UBTF: variants seen among roughly 807,000 people sequenced by gnomAD.
UBTF encodes the protein upstream binding transcription factor.
In UBTF, 8 loss-of-function variants were observed where a neutral mutation model predicts 112.3. The ratio of observed to expected loss-of-function variants is 0.07; its 90% confidence interval spans 0.04 to 0.13. The LOEUF (loss-of-function observed/expected upper bound fraction) is 0.13. Ranked by LOEUF, UBTF falls within the 10% of genes least tolerant of loss-of-function variation. UBTF has a pLI of 1.00. For synonymous variants in UBTF, 417 were observed against 373.1 expected (o/e 1.12, Z -1.36); for missense variants, 457 against 982.1 (o/e 0.47, Z 7.15).
chr17:44,207,317 ATCCTCATCGTCATCCTCGTCGTCGTCT>A lies in UBTF; in HGVS notation c.2193_2219del (p.Glu731_Glu739del), dbSNP rs2056306730. 1 of 1,612,370 alleles carries A rather than the reference ATCCTCATCGTCATCCTCGTCGTCGTCT, an allele frequency of 6.2e-7. No individual in the cohort carries two copies. Among genetic ancestry groups the A allele is most frequent in the African/African-American group, 1.3e-5 (1 of 74,690 alleles). On this transcript the variant is annotated inframe_deletion, in exon 21 of 21. Coordinates refer to ENST00000436088, the MANE Select transcript of UBTF (RefSeq NM_014233.4). ...TGCTGCCCTCGGACTCATTATCTTCATCCTCATCGTCATCCTCGTCGTCGTCTTCGTCCTCGTCATCCTCTTCATTCT... is the reference window on the plus strand; with the variant it reads ...TGCTGCCCTCGGACTCATTATCTTCATCGTCCTCGTCATCCTCTTCATTCT...
upstream of UBTF, among the ~76,000 whole-genome samples, chr17:44,220,211 C>G (rs371529037): frequency 1.8e-4 from 27 of 151,878 alleles, no homozygotes; most frequent in East Asian, 2.5e-3. Flanking sequence ...CAGGCTTCGC[C>G]GGCGAGGGAG....
At position 44,210,855 on chromosome 17, in the gene UBTF, G is replaced by T; in HGVS notation, c.1296C>A (p.Leu432=). 2.5e-6 allele frequency: 4 copies of T among 1,575,684 alleles called. No individual in the cohort carries two copies. Among genetic ancestry groups the T allele is most frequent in the Non-Finnish European group, 3.4e-6 (4 of 1,160,590 alleles). The change falls in exon 13 of 21, where the codon CTC becomes CTA. Residue 432 remains leucine (L), a synonymous_variant. Transcript: ENST00000436088. ...GCAGGCGGGTCAGCTCGCTCTCGGA[G>T]AGCTCAGGCCGCTCCTCCTGCAGCT... ...RRQLQEERPE[L]SESELTRLLA...
Position 44,211,677 on chromosome 17 carries a change from C to T in UBTF, c.976G>A (p.Val326Met), listed in dbSNP as rs1198532291. The T allele has an allele frequency of 1.9e-6, 3 of 1,610,942 alleles. No individual in the cohort carries two copies. The South Asian group carries it at 3.3e-5, about 18-fold the overall frequency. ...AGCTTCCACTGCTGGCTGCACAGCA[C>T]CATGCGCTCTGTGCTGGGCACGTCC... ...MKDVPSTERM[V>M]LCSQQWKLLS... The change falls in exon 10 of 21, where the codon GTG (valine) becomes ATG (methionine). Residue 326 changes from valine (V) to methionine (M), a missense_variant. By Grantham distance (21) the Val-to-Met change is conservative. This residue lies in a region of UBTF where 87 missense variants were observed against 286.6 expected (regional missense o/e 0.30). Coordinates refer to ENST00000436088, the MANE Select transcript of UBTF (RefSeq NM_014233.4). The surrounding 1 kb of genome is among the most constrained non-coding windows in gnomAD (Gnocchi z 4.9).
Position 44,218,213 on chromosome 17 carries a change from T to G in UBTF, c.17A>C (p.Asp6Ala). MNGEADCPTDLEMAAP... is the reference protein window; with the variant it reads MNGEAACPTDLEMAAP... ...GGCCATTTCCAGGTCTGTGGGGCAGTCGGCTTCTCCGTTCATCCTCCAGCT... is the reference window on the plus strand; with the variant it reads ...GGCCATTTCCAGGTCTGTGGGGCAGGCGGCTTCTCCGTTCATCCTCCAGCT... Residue 6 changes from aspartate (D) to alanine (A), a missense_variant, in exon 2 of 21, where the codon GAC (aspartate) becomes GCC (alanine). This residue lies in a region of UBTF where 20 missense variants were observed against 29.1 expected (regional missense o/e 0.69). Transcript: ENST00000436088. 1.2e-6 allele frequency: 2 copies of G among 1,612,366 alleles called. No individual in the cohort carries two copies. The highest frequency in any genetic ancestry group is 1.7e-6 in the Non-Finnish European group (2 of 1,179,644).
In UBTF at chr17:44,209,976, T is replaced by A. The variant is rs758852000; in HGVS notation, c.1626+148A>T. On this transcript the variant is annotated intron_variant, in intron 15 of 20. Transcript: ENST00000436088. ...GGAGGTTAGCAATGTCACCCCCACC[T>A]TACTGATGAGAGACAGAGGTTCAGA... The A allele has an allele frequency of 4.0e-5, 36 of 907,956 alleles. 1 individual carries two copies. Among genetic ancestry groups the A allele is most frequent in the Non-Finnish European group, 5.7e-5 (33 of 578,934 alleles). 56.2% of individuals were successfully genotyped at this position (907,956 alleles called of 1,614,324 possible). A position where few individuals can be genotyped will look rare whatever the true frequency, so the allele number is the denominator to read the frequency against.
Position 44,207,616 on chromosome 17 carries a change from C to T in UBTF, c.2026-19G>A. On this transcript the variant is annotated intron_variant, in intron 19 of 20. Coordinates refer to ENST00000436088, the MANE Select transcript of UBTF (RefSeq NM_014233.4). ...CGGACTCCTTGGAGGGATGGAGGCA[C>T]ATCAGTGGTCTCTGGTCTCTGCCCA... The T allele has an allele frequency of 5.6e-6, 9 of 1,614,170 alleles. No homozygotes were observed. The highest frequency in any genetic ancestry group is 7.6e-6 in the Non-Finnish European group (9 of 1,180,016).
upstream of UBTF, among the ~76,000 whole-genome samples, chr17:44,220,098 C>T (rs1157212748): frequency 1.2e-3 from 33 of 27,304 alleles, 1 homozygote; most frequent in African/African-American, 3.4e-3. Flanking sequence ...GGGGGGGGGC[C>T]GGGGCAGGGA....
intron 2 of UBTF, among the ~76,000 whole-genome samples, chr17:44,217,477 C>G (rs1349754556): frequency 6.6e-6 from 1 of 152,164 alleles, no homozygotes; most frequent in Non-Finnish European, 1.5e-5. Context: ...AAATGCAGCC[C>G]CAGAGAGCTC....
chr17:44,218,397 G>A (rs574182116), intron 1 of UBTF, 101 bp from the exon 2 acceptor site: 44 of 674,160 alleles, frequency 6.5e-5, no homozygotes, highest in Admixed American at 2.8e-5. Flanking sequence ...CACACTCTGA[G>A]AGACTCAGCC....
chr17:44,208,161 G>A (rs1161320093), intron 17 of UBTF, among the ~76,000 whole-genome samples: 1 of 145,922 alleles, frequency 6.9e-6, no homozygotes, highest in African/African-American at 2.5e-5. Context: ...GGAGTGCAGT[G>A]GCACAATCTC....
rs1349252411 is a variant in UBTF, at chr17:44,211,308, C to T, written c.1071G>A (p.Glu357=). ...CACTCACCTCGAGGAAACGGAGCAGCTCCACCTCGTAATCTTTCTTTTTCT... is the reference window on the plus strand; with the variant it reads ...CACTCACCTCGAGGAAACGGAGCAGTTCCACCTCGTAATCTTTCTTTTTCT... ...CDQKKKDYEV[E]LLRFLESLPE... is the part of the protein sequence containing the mutation. The change falls in exon 11 of 21, where the codon GAG becomes GAA. Residue 357 remains glutamate (E), a synonymous_variant. Coordinates refer to ENST00000436088, the MANE Select transcript of UBTF (RefSeq NM_014233.4). The surrounding 1 kb of genome is among the most constrained non-coding windows in gnomAD (Gnocchi z 4.9). 2 of 1,614,134 alleles carry T rather than the reference C, an allele frequency of 1.2e-6. No homozygotes were observed. Among genetic ancestry groups the T allele is most frequent in the Admixed American group, 1.7e-5 (1 of 60,016 alleles).
rs1400189234 is a variant in UBTF, at chr17:44,212,891, T to C, written c.588A>G (p.Pro196=). 1.2e-6 allele frequency: 2 copies of C among 1,614,000 alleles called. No individual in the cohort carries two copies. The highest frequency in any genetic ancestry group is 2.2e-5 in the East Asian group (1 of 44,898). The part of the protein sequence containing the change: ...LIQNAKKSDI[P]EKPKTPQQLW... ...GCTGCTGGGGGGTTTTGGGCTTCTC[T>C]GGGATGTCCGATTTCTTGGCATTCT... The change falls in exon 7 of 21, where the codon CCA becomes CCG. Residue 196 remains proline, a synonymous_variant. Transcript: ENST00000436088.
At chr17:44,220,503 C>T (rs1188484043), upstream of UBTF, among the ~76,000 whole-genome samples, 6 of 104,472 alleles carry the variant, frequency 5.7e-5, no homozygotes, top group South Asian at 1.2e-3. Context: ...ACATACGAAA[C>T]TTAAAAAAAA....
At chr17:44,218,597 A>AAAAAAAAAAAAAAG (rs1284382793) in intron 1 of UBTF, 1 of 186,556 alleles carries the variant, frequency 5.4e-6, no homozygotes, top group African/African-American at 2.4e-5. Context: ...CCCCAGCCAA[A>AAAAAAAAAAAAAAG]AAAAAAAAAA....
At chr17:44,212,184 G>T (rs1291731641) in intron 8 of UBTF, 160 bp downstream of exon 8, 54 of 407,284 alleles carry the variant, frequency 1.3e-4, no homozygotes, top group Admixed American at 9.3e-4. Flanking sequence ...TCATGGGGGT[G>T]GGGGGTGGGG....
chr17:44,220,119 C>T (rs899142110), upstream of UBTF, among the ~76,000 whole-genome samples: 1 of 148,974 alleles, frequency 6.7e-6, no homozygotes, highest in East Asian at 2.0e-4. Flanking sequence ...GACACGCAGC[C>T]GCCCGGATGG....
At chr17:44,218,728 T>C (rs1280695783) in intron 1 of UBTF, among the ~76,000 whole-genome samples, 1 of 149,572 alleles carries the variant, frequency 6.7e-6, no homozygotes, top group African/African-American at 2.5e-5. Flanking sequence ...CGCGCCCCAG[T>C]CTCCTCCTCC....
Position 44,207,722 on chromosome 17 carries a change from G to A in UBTF, c.2002C>T (p.Arg668Trp), listed in dbSNP as rs1415186544. The A allele has an allele frequency of 1.9e-6, 3 of 1,614,146 alleles. No homozygotes were observed. The highest frequency in any genetic ancestry group is 2.5e-6 in the Non-Finnish European group (3 of 1,180,022). ...ACCGACTTGGACTGCAGAGTAGTCC[G>A]GCTGGATTTGGGGTTTGGGCCTCGC... Reference protein sequence around the residue: ...KLRGPNPKSSRTTLQSKSESE... With the variant: ...KLRGPNPKSSWTTLQSKSESE... The change falls in exon 19 of 21, where the codon CGG (arginine) becomes TGG (tryptophan). Residue 668 changes from arginine to tryptophan, a missense_variant. Coordinates refer to ENST00000436088, the MANE Select transcript of UBTF (RefSeq NM_014233.4).
chr17:44,210,851 C>T lies in UBTF; in HGVS notation c.1300G>A (p.Glu434Lys), dbSNP rs1379897365. Residue 434 changes from glutamate (E) to lysine (K), a missense_variant, in exon 13 of 21, where the codon GAG becomes AAG. Glu to Lys is a moderately conservative substitution (Grantham distance 56, BLOSUM62 1). Coordinates refer to ENST00000436088, the MANE Select transcript of UBTF (RefSeq NM_014233.4). ...QLQEERPELS[E>K]SELTRLLARM... ...GCCAGCAGGCGGGTCAGCTCGCTCT[C>T]GGAGAGCTCAGGCCGCTCCTCCTGC... is the stretch of plus-strand genomic sequence containing the variant. The T allele has an allele frequency of 4.4e-6, 7 of 1,573,222 alleles. No individual in the cohort carries two copies. Among genetic ancestry groups the T allele is most frequent in the African/African-American group, 1.4e-5 (1 of 73,840 alleles).
Sources: gnomAD v4.1 joint callset for allele counts (sites outside exome capture counted in the v4.1 genomes callset) on GRCh38, gnomAD v4.1.1 for gene constraint, gnomAD v4.1.1 regional missense constraint, Gnocchi (gnomAD v3.1) non-coding constraint, MANE v1.5 for transcripts, NCBI Gene and HGNC (gene_info 2026-07-23, HGNC 2026-07-21) for gene names.